Variants in NXPE2 observed in about 807,000 individuals in gnomAD.
The protein encoded by NXPE2 is neurexophilin and PC-esterase domain family member 2, also known as NXPE family member 2.
Under a neutral mutation model 34.4 loss-of-function variants are expected in NXPE2, and 34 were observed. The observed-to-expected ratio is 0.99, with a 90% CI of 0.75 to 1.31. The LOEUF is 1.31. Among genes scored for constraint, NXPE2 ranks in the 40% most tolerant of loss-of-function variants. The pLI is 0.00. For missense variants in NXPE2, 649 were observed against 672.5 expected (o/e 0.97, Z 0.39); for synonymous variants, 235 against 231.3 (o/e 1.02, Z -0.15).
At chr11:114,614,306 T>C in the NXPE2 span, among the ~76,000 whole-genome samples, 2 of 151,412 alleles carry the variant, frequency 1.3e-5, no homozygotes, top group Non-Finnish European at 2.9e-5. Flanking sequence ...ATAGTAAGTA[T>C]TGCCTCGTAG....
the NXPE2 span, among the ~76,000 whole-genome samples, chr11:114,745,091 A>G: frequency 6.6e-6 from 1 of 152,230 alleles, no homozygotes. Flanking sequence ...TTATTATGCC[A>G]TAGTTCTAAT....
chr11:114,805,768 G>A, the NXPE2 span, among the ~76,000 whole-genome samples: 1 of 152,216 alleles, frequency 6.6e-6, no homozygotes, highest in Non-Finnish European at 1.5e-5. Context: ...ACCTCTGGGG[G>A]CAGGGCACAG....
At chr11:114,659,459 GA>G in the NXPE2 span, among the ~76,000 whole-genome samples, 57 of 145,692 alleles carry the variant, frequency 3.9e-4, no homozygotes, top group East Asian at 5.6e-3. Context: ...AAAGAGTGAA[GA>G]AAAAAAAAAC....
the NXPE2 span, among the ~76,000 whole-genome samples, chr11:114,656,425 A>C: frequency 6.6e-6 from 1 of 152,158 alleles, no homozygotes; most frequent in Non-Finnish European, 1.5e-5. Flanking sequence ...ATTAGAAAAA[A>C]CTATTTTGAA....
chr11:114,676,621 G>A (rs866849812), upstream of NXPE2, among the ~76,000 whole-genome samples: 1 of 151,992 alleles, frequency 6.6e-6, no homozygotes, highest in African/African-American at 2.4e-5. Flanking sequence ...TGATGGTGAG[G>A]AGAGGGAGAA....
chr11:114,489,486 GC>G, the NXPE2 span, among the ~76,000 whole-genome samples: 1 of 152,200 alleles, frequency 6.6e-6, no homozygotes, highest in Non-Finnish European at 1.5e-5. Context: ...GAATCCAGCA[GC>G]ACATCAAAAA....
chr11:114,711,546 G>A (rs1324641978), downstream of NXPE2, among the ~76,000 whole-genome samples: 3 of 152,018 alleles, frequency 2.0e-5, no homozygotes, highest in Non-Finnish European at 4.4e-5. Context: ...AAAATAGCTA[G>A]CAATATACTT....
the NXPE2 span, among the ~76,000 whole-genome samples, chr11:114,632,464 TTATA>T: frequency 7.7e-6 from 1 of 129,102 alleles, no homozygotes; most frequent in Non-Finnish European, 1.6e-5. Flanking sequence ...GAGTTATACA[TTATA>T]TATACTATAT....
At chr11:114,793,799 A>G in the NXPE2 span, among the ~76,000 whole-genome samples, 1 of 152,230 alleles carries the variant, frequency 6.6e-6, no homozygotes, top group South Asian at 2.1e-4. Flanking sequence ...AAAGAGAAGG[A>G]TGTTATTTTA....
chr11:114,635,826 T>C, the NXPE2 span, among the ~76,000 whole-genome samples: 2 of 152,206 alleles, frequency 1.3e-5, no homozygotes, highest in South Asian at 2.1e-4. Context: ...CACTTGATCA[T>C]GGTGGATAAG....
the NXPE2 span, among the ~76,000 whole-genome samples, chr11:114,612,651 C>T: frequency 8.5e-4 from 129 of 151,750 alleles, 1 homozygote; most frequent in East Asian, 0.014. Context: ...TGGGTAACCA[C>T]GGTTACCCAG....
chr11:114,474,638 G>A, the NXPE2 span, among the ~76,000 whole-genome samples: 7 of 152,094 alleles, frequency 4.6e-5, no homozygotes, highest in African/African-American at 1.2e-4. Flanking sequence ...GATTTCAAGA[G>A]ACAATGGAAG....
chr11:114,751,654 T>C, the NXPE2 span, among the ~76,000 whole-genome samples: 3 of 152,128 alleles, frequency 2.0e-5, no homozygotes, highest in Non-Finnish European at 2.9e-5. Context: ...ACAACAGTCA[T>C]TGTGGCAAGC....
the NXPE2 span, among the ~76,000 whole-genome samples, chr11:114,607,345 C>T: frequency 1.3e-5 from 2 of 151,938 alleles, no homozygotes; most frequent in Non-Finnish European, 2.9e-5. Flanking sequence ...CTAAGTATTG[C>T]CTCGTGGGTA....
At chr11:114,490,647 A>G in the NXPE2 span, among the ~76,000 whole-genome samples, 1 of 152,366 alleles carries the variant, frequency 6.6e-6, no homozygotes, top group East Asian at 1.9e-4. Context: ...CTGGCTAGCC[A>G]TATGCAGAAA....
At chr11:114,647,201 CCTT>C in the NXPE2 span, among the ~76,000 whole-genome samples, 1 of 152,192 alleles carries the variant, frequency 6.6e-6, no homozygotes, top group Admixed American at 6.5e-5. Context: ...ATATTATTCA[CCTT>C]CTACATTCGT....
At chr11:114,569,984 C>T in the NXPE2 span, among the ~76,000 whole-genome samples, 2 of 152,104 alleles carry the variant, frequency 1.3e-5, no homozygotes, top group Non-Finnish European at 2.9e-5. Flanking sequence ...TACATGGCTG[C>T]AGGGTCACAA....
At chr11:114,692,642 A>T (rs1801407218) in intron 2 of NXPE2, among the ~76,000 whole-genome samples, 1 of 152,176 alleles carries the variant, frequency 6.6e-6, no homozygotes, top group African/African-American at 2.4e-5. Flanking sequence ...GTTTCCTTGC[A>T]TCCATGAGCC....
chr11:114,607,753 TAA>T, the NXPE2 span, among the ~76,000 whole-genome samples: 1 of 151,884 alleles, frequency 6.6e-6, no homozygotes, highest in Non-Finnish European at 1.5e-5. Context: ...CGGTGGATAA[TAA>T]GTGTTGCCTC....
Sources: gnomAD v4.1 joint callset for allele counts (sites outside exome capture counted in the v4.1 genomes callset) on GRCh38, gnomAD v4.1.1 for gene constraint, MANE v1.5 for transcripts, NCBI Gene and HGNC (gene_info 2026-07-23, HGNC 2026-07-21) for gene names.